Variants in TAFA4 observed in about 807,000 individuals in gnomAD.
TAFA4 encodes TAFA chemokine like family member 4.
In TAFA4, 20 loss-of-function variants were observed where a neutral mutation model predicts 21.1. The ratio of observed to expected loss-of-function variants is 0.95; its 90% CI spans 0.67 to 1.38. TAFA4 has a LOEUF of 1.38. Among genes scored for constraint, TAFA4 ranks in the 40% most tolerant of loss-of-function variants. TAFA4 has a pLI of 0.00. For missense variants in TAFA4, 211 were observed against 180.9 expected (o/e 1.17, Z -0.95); for synonymous variants, 71 against 67.4 (o/e 1.05, Z -0.26).
In TAFA4 at chr3:68,800,782, C is replaced by T. The variant is rs573331076; in HGVS notation, c.131-47764G>A. 1.1e-4 allele frequency among the ~76,000 whole-genome samples: 17 copies of T among 152,290 alleles called. No homozygotes were observed. The East Asian group carries it at 1.9e-3, about 17-fold the overall frequency. On this transcript the variant is annotated intron_variant, in intron 3 of 5. Coordinates refer to ENST00000295569, the MANE Select transcript of TAFA4 (RefSeq NM_182522.5). The stretch of plus-strand genomic sequence containing the variant: ...GAGAAAAGAAAGTCAAGTTCTTCTA[C>T]GTGTGCATATTCCACAAATTTAATA...
At chr3:68,763,640 A>G (rs1702796989) in intron 3 of TAFA4, among the ~76,000 whole-genome samples, 1 of 152,088 alleles carries the variant, frequency 6.6e-6, no homozygotes, top group Admixed American at 6.6e-5. Context: ...CACTTCTAAT[A>G]AGTCTTAAAA....
At chr3:68,921,038 G>A (rs1271618464) in intron 1 of TAFA4, among the ~76,000 whole-genome samples, 1 of 152,132 alleles carries the variant, frequency 6.6e-6, no homozygotes, top group Non-Finnish European at 1.5e-5. Flanking sequence ...AGCCAGGGAG[G>A]AGAACTGTAG....
At chr3:68,854,153 A>ATT (rs1705014944) in intron 3 of TAFA4, among the ~76,000 whole-genome samples, 1 of 152,082 alleles carries the variant, frequency 6.6e-6, no homozygotes, top group African/African-American at 2.4e-5. Flanking sequence ...AAGAGATGAC[A>ATT]TTTACATTTA....
At chr3:68,781,210 A>C (rs1309651559) in intron 3 of TAFA4, among the ~76,000 whole-genome samples, 2 of 144,716 alleles carry the variant, frequency 1.4e-5, no homozygotes, top group Non-Finnish European at 3.0e-5. Context: ...TAAGTCAAAA[A>C]CTTAAGATTC....
At chr3:68,832,895 C>T (rs1218589258) in intron 3 of TAFA4, among the ~76,000 whole-genome samples, 1 of 152,232 alleles carries the variant, frequency 6.6e-6, no homozygotes, top group Non-Finnish European at 1.5e-5. Context: ...CAACCGCCTA[C>T]TCAAGCCTCA....
In TAFA4 at chr3:68,795,340, A is replaced by G. The variant is rs556999084; in HGVS notation, c.131-42322T>C. 4.0e-5 allele frequency among the ~76,000 whole-genome samples: 6 copies of G among 151,856 alleles called. No individual in the cohort carries two copies. In the East Asian group the frequency reaches 9.7e-4, roughly 25 times the overall value. On this transcript the variant is annotated intron_variant, in intron 3 of 5. Coordinates refer to ENST00000295569, the MANE Select transcript of TAFA4 (RefSeq NM_182522.5). ...GTAACACATCCAATTTCCCTTTAAT[A>G]AAACACCCTTCCCCCATTCTCAATC...
At chr3:68,751,050 T>G (rs1332815169) in intron 4 of TAFA4, among the ~76,000 whole-genome samples, 1 of 152,130 alleles carries the variant, frequency 6.6e-6, no homozygotes, top group Non-Finnish European at 1.5e-5. Context: ...GAAAGGAGAA[T>G]AAGAAGAATT....
intron 3 of TAFA4, among the ~76,000 whole-genome samples, chr3:68,874,006 CTATAT>C (rs1339484797): frequency 2.0e-5 from 3 of 152,092 alleles, no homozygotes; most frequent in Non-Finnish European, 2.9e-5. Flanking sequence ...CATTTCATGC[CTATAT>C]TATATTTTTC....
intron 4 of TAFA4, among the ~76,000 whole-genome samples, chr3:68,744,012 G>A (rs112092919): frequency 2.0e-5 from 3 of 152,174 alleles, no homozygotes; most frequent in Non-Finnish European, 4.4e-5. Flanking sequence ...AATACCATCT[G>A]CAGGACTAGA....
At chr3:68,733,775 C>T (rs780729990) in intron 5 of TAFA4, among the ~76,000 whole-genome samples, 1 of 152,106 alleles carries the variant, frequency 6.6e-6, no homozygotes, top group Non-Finnish European at 1.5e-5. Flanking sequence ...CATGCCTACA[C>T]CACAAAAATA....
At chr3:68,865,534 T>C (rs2089405607) in intron 3 of TAFA4, among the ~76,000 whole-genome samples, 1 of 152,120 alleles carries the variant, frequency 6.6e-6, no homozygotes, top group African/African-American at 2.4e-5. Flanking sequence ...AAAACATGCC[T>C]TTTCTCCTCC....
intron 1 of TAFA4, among the ~76,000 whole-genome samples, chr3:68,901,217 G>A (rs748090740): frequency 1.8e-4 from 27 of 151,978 alleles, no homozygotes; most frequent in South Asian, 4.1e-4. Flanking sequence ...GGATGATCCA[G>A]GTCCCTGAAG....
intron 3 of TAFA4, among the ~76,000 whole-genome samples, chr3:68,843,169 T>C (rs1704705623): frequency 6.6e-6 from 1 of 152,256 alleles, no homozygotes; most frequent in African/African-American, 2.4e-5. Flanking sequence ...TCCATGAGCA[T>C]GGAATGTTTT....
At chr3:68,833,587 G>C (rs1704452308) in intron 3 of TAFA4, among the ~76,000 whole-genome samples, 1 of 152,126 alleles carries the variant, frequency 6.6e-6, no homozygotes. Flanking sequence ...CTAAAAATAA[G>C]TCAAATAAGA....
chr3:68,897,981 T>A (rs962736491), intron 1 of TAFA4, among the ~76,000 whole-genome samples: 7 of 152,026 alleles, frequency 4.6e-5, no homozygotes, highest in Non-Finnish European at 1.0e-4. Flanking sequence ...GACAGCAAGG[T>A]TGCAAGGGGA....
chr3:68,875,214 G>C (rs943267172), intron 3 of TAFA4, among the ~76,000 whole-genome samples: 2 of 151,964 alleles, frequency 1.3e-5, no homozygotes, highest in Middle Eastern at 3.4e-3. Flanking sequence ...ATAGGAGCTA[G>C]AGTCAAACTT....
chr3:68,876,401 A>G (rs1370991551), intron 3 of TAFA4, among the ~76,000 whole-genome samples: 2 of 152,238 alleles, frequency 1.3e-5, no homozygotes, highest in Non-Finnish European at 2.9e-5. Context: ...GTACAAGTAT[A>G]GCCGCCTGTA....
At chr3:68,883,384 T>G (rs2089638566) in intron 2 of TAFA4, among the ~76,000 whole-genome samples, 1 of 152,240 alleles carries the variant, frequency 6.6e-6, no homozygotes, top group South Asian at 2.1e-4. Flanking sequence ...CTTTTAGGGC[T>G]TATCTGATTA....
intron 4 of TAFA4, among the ~76,000 whole-genome samples, chr3:68,749,083 G>C (rs142681791): frequency 6.6e-6 from 1 of 152,130 alleles, no homozygotes; most frequent in Non-Finnish European, 1.5e-5. Context: ...ACAGTCTCAC[G>C]ATCAAATAAT....
Sources: gnomAD v4.1 joint callset for allele counts (sites outside exome capture counted in the v4.1 genomes callset) on GRCh38, gnomAD v4.1.1 for gene constraint, MANE v1.5 for transcripts, NCBI Gene and HGNC (gene_info 2026-07-23, HGNC 2026-07-21) for gene names.